Variants in CC2D2B observed in about 807,000 individuals in gnomAD.
The protein encoded by CC2D2B is coiled-coil and C2 domain containing 2B.
Under a neutral mutation model 161.2 loss-of-function variants are expected in CC2D2B, and 128 were observed. That is an observed-to-expected ratio of 0.79 (90% CI 0.69 to 0.92). CC2D2B has a LOEUF of 0.92. CC2D2B is among the 40% of genes least tolerant of loss of function. The pLI is 0.00. For missense variants in CC2D2B, 1,173 were observed against 1,375.1 expected (o/e 0.85, Z 2.32); for synonymous variants, 391 against 449.8 (o/e 0.87, Z 1.65).
chr10:96,009,670 A>G (rs2078902688), intron 25 of CC2D2B, among the ~76,000 whole-genome samples, 155 bp from the exon 26 acceptor site: 1 of 152,228 alleles, frequency 6.6e-6, no homozygotes, highest in Non-Finnish European at 1.5e-5. Flanking sequence ...TATCTTTCAA[A>G]GAAATTAAAA....
intron 6 of CC2D2B, among the ~76,000 whole-genome samples, chr10:95,934,504 C>T (rs913547016): frequency 1.3e-5 from 2 of 152,114 alleles, no homozygotes; most frequent in Non-Finnish European, 2.9e-5. Flanking sequence ...GCCAAACAGC[C>T]ACCCAGTTTT....
chr10:96,031,711 T>C, intron 34 of CC2D2B, 109 bp from the exon 35 acceptor site: 2 of 958,876 alleles, frequency 2.1e-6, no homozygotes, highest in Non-Finnish European at 3.2e-6. Context: ...ACTATTATAG[T>C]ATTTTATGAG....
At chr10:95,934,001 C>T (rs1269924247) in intron 6 of CC2D2B, among the ~76,000 whole-genome samples, 6 of 152,190 alleles carry the variant, frequency 3.9e-5, no homozygotes, top group Non-Finnish European at 7.3e-5. Context: ...TCCCCAGGTG[C>T]TCTGTCCCAG....
At chr10:95,929,996 T>G (rs984251423) in intron 6 of CC2D2B, among the ~76,000 whole-genome samples, 6 of 152,226 alleles carry the variant, frequency 3.9e-5, no homozygotes, top group Non-Finnish European at 7.3e-5. Flanking sequence ...AGTATGGCCA[T>G]TTTCACGATA....
intron 17 of CC2D2B, among the ~76,000 whole-genome samples, chr10:95,975,874 A>G (rs568143093): frequency 1.3e-5 from 2 of 152,360 alleles, no homozygotes; most frequent in East Asian, 1.9e-4. Flanking sequence ...TTTAATACCT[A>G]GAACTATTAT....
chr10:96,006,566 CA>C (rs1208445226), intron 25 of CC2D2B, among the ~76,000 whole-genome samples: 1 of 151,984 alleles, frequency 6.6e-6, no homozygotes, highest in Non-Finnish European at 1.5e-5. Flanking sequence ...GCCACTGTCC[CA>C]ACTCTATGAC....
At chr10:95,981,946 A>T (rs2077547195) in intron 17 of CC2D2B, 29 bp from the exon 18 acceptor site, 1 of 1,147,372 alleles carries the variant, frequency 8.7e-7, no homozygotes, top group African/African-American at 1.6e-5. Flanking sequence ...TATTGTATGC[A>T]AGTTCACAAA....
intron 2 of CC2D2B, among the ~76,000 whole-genome samples, chr10:95,917,091 A>G (rs1422845306): frequency 1.3e-5 from 2 of 152,198 alleles, no homozygotes; most frequent in African/African-American, 4.8e-5. Context: ...GAGCATATGT[A>G]TGTACAATTA....
At chr10:96,025,185 A>ATATTTAT (rs1491443122) in intron 33 of CC2D2B, among the ~76,000 whole-genome samples, 1 of 16,278 alleles carries the variant, frequency 6.1e-5, no homozygotes, top group Non-Finnish European at 1.3e-4. Flanking sequence ...ATATATATAT[A>ATATTTAT]AAAAAAAATA....
intron 24 of CC2D2B, chr10:95,999,644 A>G (rs1273897810): frequency 5.9e-6 from 1 of 168,184 alleles, no homozygotes; most frequent in Non-Finnish European, 1.3e-5. Flanking sequence ...ACATTATATA[A>G]TGCATTAGGA....
At chr10:95,998,409 C>T (rs1051482831) in intron 24 of CC2D2B, among the ~76,000 whole-genome samples, 1 of 152,170 alleles carries the variant, frequency 6.6e-6, no homozygotes, top group Non-Finnish European at 1.5e-5. Context: ...ATCCTGTGTG[C>T]TCTGTCTATT....
chr10:96,023,356 A>G (rs2079553046), intron 32 of CC2D2B, among the ~76,000 whole-genome samples: 1 of 152,222 alleles, frequency 6.6e-6, no homozygotes, highest in African/African-American at 2.4e-5. Context: ...TGTGAACACA[A>G]ATTTGAATGT....
Position 95,972,234 on chromosome 10 carries a change from A to G in CC2D2B, c.1795+18A>G. On this transcript the variant is annotated intron_variant, in intron 16 of 34. Coordinates refer to ENST00000646931, the MANE Select transcript of CC2D2B (RefSeq NM_001349008.3). Reference sequence around the variant, plus strand: ...AGGAAGCAGTGAGTTTATTAAAAATATTACATTCCCCCTATTTTCTTCCTG... The same window carrying G: ...AGGAAGCAGTGAGTTTATTAAAAATGTTACATTCCCCCTATTTTCTTCCTG... 2 of 1,230,214 alleles carry G rather than the reference A, an allele frequency of 1.6e-6. No homozygotes were observed. Among genetic ancestry groups the G allele is most frequent in the Non-Finnish European group, 1.0e-6 (1 of 986,324 alleles). The allele number at this position is 1,230,214 out of a possible 1,614,324, so 76.2% of individuals were successfully genotyped here.
chr10:95,913,542 A>G (rs2098510431), intron 2 of CC2D2B: 1 of 252,650 alleles, frequency 4.0e-6, no homozygotes, highest in Non-Finnish European at 8.0e-6. Flanking sequence ...GGAACCCCAT[A>G]CTGTTCTCCG....
intron 33 of CC2D2B, among the ~76,000 whole-genome samples, chr10:96,025,182 T>A (rs369559509): frequency 0.3 from 3,947 of 13,278 alleles, 452 homozygotes; most frequent in East Asian, 0.66. Flanking sequence ...TATATATATA[T>A]ATAAAAAAAA....
At position 95,939,409 on chromosome 10, in the gene CC2D2B, C is replaced by T. The variant is rs537760965; in HGVS notation, c.801+484C>T. Among the ~76,000 whole-genome samples, 4 of 152,222 alleles carry T rather than the reference C, an allele frequency of 2.6e-5. No individual in the cohort carries two copies. The South Asian group carries it at 8.3e-4, about 32-fold the overall frequency. On this transcript the variant is annotated intron_variant, in intron 9 of 34. Transcript: ENST00000646931. ...TTCTTTTATTGATGGATATAAGTTA[C>T]ATCCAGTTTTGACTATTACTAATAA...
chr10:95,994,885 A>G lies in CC2D2B; in HGVS notation c.2643-384A>G, dbSNP rs542031168. Among the ~76,000 whole-genome samples, 5 of 152,228 alleles carry G rather than the reference A, an allele frequency of 3.3e-5. No individual in the cohort carries two copies. In the East Asian group the frequency reaches 7.7e-4, roughly 23 times the overall value. Reference sequence around the variant, plus strand: ...TATTATAACTATTCTTATTTTAACTATTTTCCTTATTACACTGCAACAGTT... The same window carrying G: ...TATTATAACTATTCTTATTTTAACTGTTTTCCTTATTACACTGCAACAGTT... On this transcript the variant is annotated intron_variant, in intron 22 of 34. Transcript: ENST00000646931.
chr10:95,980,348 G>A (rs986089997), intron 17 of CC2D2B, among the ~76,000 whole-genome samples: 1 of 152,194 alleles, frequency 6.6e-6, no homozygotes, highest in Non-Finnish European at 1.5e-5. Context: ...TCTGAGATTT[G>A]TATTACTTTC....
intron 34 of CC2D2B, among the ~76,000 whole-genome samples, chr10:96,030,902 C>T (rs1315808277): frequency 6.6e-6 from 1 of 152,168 alleles, no homozygotes; most frequent in African/African-American, 2.4e-5. Flanking sequence ...ATGCTCAAAT[C>T]CTAGTTTAAC....
Sources: allele counts gnomAD v4.1 joint callset (sites outside exome capture counted in the v4.1 genomes callset), GRCh38; gene constraint gnomAD v4.1.1; transcripts MANE v1.5; gene names NCBI Gene and HGNC (gene_info 2026-07-23, HGNC 2026-07-21).